Variants in DLG2 observed in about 807,000 individuals in gnomAD.
DLG2 encodes the protein discs large MAGUK scaffold protein 2, also known as disks large homolog 2.
A neutral mutation model predicts 132.5 loss-of-function variants in DLG2; 45 were observed. The observed-to-expected ratio is 0.34, with a 90% CI of 0.27 to 0.44. The LOEUF (loss-of-function observed/expected upper bound fraction) is 0.44. Ranked by LOEUF, DLG2 falls within the 20% of genes least tolerant of loss-of-function variation. DLG2 has a pLI of 1.00. For synonymous variants in DLG2, 424 were observed against 419.6 expected, an observed-to-expected ratio of 1.01 and a Z score of -0.13; for missense variants, 1,045 against 1,196.9, an observed-to-expected ratio of 0.87 and a Z score of 1.87.
intron 3 of DLG2, among the ~76,000 whole-genome samples, chr11:85,387,480 T>C (rs2086440113): frequency 6.6e-6 from 1 of 152,222 alleles, no homozygotes; most frequent in South Asian, 2.1e-4. Context: ...TTACACTCAA[T>C]GTGTAACATT....
intron 7 of DLG2, among the ~76,000 whole-genome samples, chr11:84,493,272 C>G (rs531130758): frequency 6.6e-6 from 1 of 152,068 alleles, no homozygotes; most frequent in African/African-American, 2.4e-5. Context: ...AATTTTACCA[C>G]CTGCTTGAAA....
chr11:84,590,900 C>G (rs1381473415), intron 6 of DLG2, among the ~76,000 whole-genome samples: 1 of 152,124 alleles, frequency 6.6e-6, no homozygotes, highest in Non-Finnish European at 1.5e-5. Flanking sequence ...GGGCCTGTTC[C>G]TAAGAGGTGC....
At chr11:84,444,278 T>A (rs1176468680) in intron 7 of DLG2, among the ~76,000 whole-genome samples, 2 of 152,124 alleles carry the variant, frequency 1.3e-5, no homozygotes, top group Non-Finnish European at 2.9e-5. Context: ...TGGGCTTATA[T>A]CTAGGTGATG....
intron 18 of DLG2, among the ~76,000 whole-genome samples, chr11:83,698,166 T>A (rs2082255437): frequency 1.3e-5 from 2 of 152,178 alleles, no homozygotes; most frequent in Admixed American, 1.3e-4. Flanking sequence ...GGTAAACAGC[T>A]TAGTACAGTG....
At chr11:83,752,634 C>T (rs866429208) in intron 18 of DLG2, among the ~76,000 whole-genome samples, 1 of 152,216 alleles carries the variant, frequency 6.6e-6, no homozygotes, top group African/African-American at 2.4e-5. Flanking sequence ...ATATAAAGCA[C>T]ACTTTTCCAA....
chr11:84,827,246 G>A (rs988741550), intron 6 of DLG2, among the ~76,000 whole-genome samples: 9 of 151,790 alleles, frequency 5.9e-5, no homozygotes, highest in East Asian at 3.9e-4. Context: ...TCACTACACC[G>A]TGTTCGAGGG....
intron 3 of DLG2, among the ~76,000 whole-genome samples, chr11:85,576,955 T>C (rs563044389): frequency 6.6e-6 from 1 of 152,198 alleles, no homozygotes; most frequent in South Asian, 2.1e-4. Flanking sequence ...AGACAGCATG[T>C]ACAAATGCTC....
intron 3 of DLG2, among the ~76,000 whole-genome samples, chr11:85,314,634 G>A (rs1217818904): frequency 5.9e-5 from 9 of 151,786 alleles, no homozygotes; most frequent in African/African-American, 1.9e-4. Context: ...CTTTATTTAG[G>A]AGGAGCAATA....
chr11:85,233,611 G>A (rs2075417087), intron 4 of DLG2, among the ~76,000 whole-genome samples: 1 of 151,754 alleles, frequency 6.6e-6, no homozygotes. Context: ...AAAGGGGACA[G>A]TGTTGGCAAG....
At chr11:85,493,579 G>A (rs910967125) in intron 3 of DLG2, among the ~76,000 whole-genome samples, 2 of 152,048 alleles carry the variant, frequency 1.3e-5, no homozygotes, top group Non-Finnish European at 2.9e-5. Context: ...ATTTTGGCAG[G>A]AGAATTGCTT....
At chr11:83,496,150 A>C (rs2094135940) in intron 21 of DLG2, among the ~76,000 whole-genome samples, 1 of 150,956 alleles carries the variant, frequency 6.6e-6, no homozygotes, top group Admixed American at 6.6e-5. Context: ...ACCAATAAAA[A>C]ATGAGCTAGA....
chr11:84,151,799 C>T (rs907979103), intron 9 of DLG2, among the ~76,000 whole-genome samples: 2 of 152,118 alleles, frequency 1.3e-5, no homozygotes, highest in African/African-American at 4.8e-5. Flanking sequence ...TGTTATTATT[C>T]ACCCAAAAGT....
chr11:85,416,667 A>T (rs1009155980), intron 3 of DLG2, among the ~76,000 whole-genome samples: 4 of 152,074 alleles, frequency 2.6e-5, no homozygotes, highest in African/African-American at 4.8e-5. Context: ...CGTCCCTTGT[A>T]AGATGTATTC....
intron 6 of DLG2, among the ~76,000 whole-genome samples, chr11:84,646,257 T>A (rs1001744626): frequency 6.6e-6 from 1 of 152,156 alleles, no homozygotes; most frequent in Admixed American, 6.5e-5. Context: ...TTATTTAAAT[T>A]CAAATGAATC....
At chr11:85,218,672 C>G (rs2082786260) in intron 4 of DLG2, among the ~76,000 whole-genome samples, 1 of 152,106 alleles carries the variant, frequency 6.6e-6, no homozygotes, top group African/African-American at 2.4e-5. Context: ...TCTCAAAGAA[C>G]TTAAAACAGA....
intron 20 of DLG2, among the ~76,000 whole-genome samples, chr11:83,540,061 A>G (rs895075505): frequency 1.3e-5 from 2 of 152,126 alleles, no homozygotes; most frequent in East Asian, 3.9e-4. Flanking sequence ...AACTAGTGAG[A>G]GGATTTCTTT....
At chr11:84,947,694 T>G (rs2050394145) in intron 6 of DLG2, among the ~76,000 whole-genome samples, 1 of 152,238 alleles carries the variant, frequency 6.6e-6, no homozygotes, top group Non-Finnish European at 1.5e-5. Context: ...TTGAGTGGTC[T>G]TCATTTACTT....
intron 6 of DLG2, chr11:85,021,221 TC>T: frequency 8.0e-7 from 1 of 1,252,440 alleles, no homozygotes; most frequent in African/African-American, 1.5e-5. Context: ...CACTGACGTT[TC>T]GAGGGCACTA....
intron 7 of DLG2, among the ~76,000 whole-genome samples, chr11:84,346,017 T>C (rs1421631119): frequency 6.6e-6 from 1 of 152,194 alleles, no homozygotes; most frequent in Non-Finnish European, 1.5e-5. Context: ...AGGTGTTTTC[T>C]CTTCTATTTA....
Sources: gnomAD v4.1 joint callset for allele counts (sites outside exome capture counted in the v4.1 genomes callset) on GRCh38, gnomAD v4.1.1 for gene constraint, MANE v1.5 for transcripts, NCBI Gene and HGNC (gene_info 2026-07-23, HGNC 2026-07-21) for gene names.